The following CCDC141 variants were observed in gnomAD, a reference collection of about 807,000 sequenced individuals.
CCDC141 encodes the protein coiled-coil domain-containing protein 141.
Under a neutral mutation model 181.0 loss-of-function variants are expected in CCDC141, and 168 were observed. The ratio of observed to expected loss-of-function variants is 0.93; its 90% confidence interval spans 0.82 to 1.05. The LOEUF (loss-of-function observed/expected upper bound fraction) is 1.05, where lower values mean the gene tolerates loss of function less well. Ranked by LOEUF, CCDC141 falls within the 50% of genes least tolerant of loss-of-function variation. The pLI is 0.00. For synonymous variants in CCDC141, 666 were observed against 642.3 expected, an observed-to-expected ratio of 1.04 and a Z score of -0.56; for missense variants, 1,902 against 1,788.5, an observed-to-expected ratio of 1.06 and a Z score of -1.14.
intron 2 of CCDC141, among the ~76,000 whole-genome samples, chr2:178,997,567 C>T (rs942942054): frequency 7.2e-5 from 11 of 152,170 alleles, no homozygotes; most frequent in Non-Finnish European, 1.3e-4. Context: ...GCACCTGTCA[C>T]TGGTTCTCAG....
chr2:178,973,289 T>C (rs1690980614), intron 4 of CCDC141, among the ~76,000 whole-genome samples: 5 of 152,206 alleles, frequency 3.3e-5, no homozygotes, highest in Admixed American at 2.6e-4. Context: ...ACCAGAGTTC[T>C]CTGTCATCTC....
At chr2:178,977,406 A>T (rs186312188) in intron 3 of CCDC141, among the ~76,000 whole-genome samples, 2 of 152,292 alleles carry the variant, frequency 1.3e-5, no homozygotes, top group African/African-American at 4.8e-5. Flanking sequence ...AGTGAATCAG[A>T]TATAGCTATA....
intron 11 of CCDC141, among the ~76,000 whole-genome samples, chr2:178,884,273 CA>C (rs1353631623): frequency 6.6e-6 from 1 of 151,442 alleles, no homozygotes; most frequent in Non-Finnish European, 1.5e-5. Context: ...CTCGGGACCC[CA>C]AACTCACTAT....
chr2:178,932,172 A>G (rs960008218), intron 6 of CCDC141, among the ~76,000 whole-genome samples: 4 of 152,184 alleles, frequency 2.6e-5, no homozygotes, highest in African/African-American at 9.6e-5. Context: ...AACAAAAACA[A>G]AAACAAAAAA....
At chr2:178,967,512 A>G (rs765997125) in intron 4 of CCDC141, among the ~76,000 whole-genome samples, 2 of 152,210 alleles carry the variant, frequency 1.3e-5, no homozygotes, top group Non-Finnish European at 2.9e-5. Context: ...CGAAGGAGAA[A>G]TAAAATCCTT....
At chr2:178,972,920 A>C (rs1436624705) in intron 4 of CCDC141, among the ~76,000 whole-genome samples, 1 of 152,182 alleles carries the variant, frequency 6.6e-6, no homozygotes, top group Non-Finnish European at 1.5e-5. Context: ...GCATAGGTGA[A>C]GCTAATTGAA....
chr2:179,034,441 C>T (rs958069724), intron 2 of CCDC141, among the ~76,000 whole-genome samples: 2 of 152,144 alleles, frequency 1.3e-5, no homozygotes, highest in African/African-American at 4.8e-5. Flanking sequence ...GTACAACAAA[C>T]CTCCATAACA....
At chr2:178,883,824 C>T (rs537557771) in intron 11 of CCDC141, among the ~76,000 whole-genome samples, 142 of 151,890 alleles carry the variant, frequency 9.3e-4, no homozygotes, top group African/African-American at 3.1e-3. Flanking sequence ...AAGCAATGAC[C>T]TTTGAGATGG....
intron 2 of CCDC141, among the ~76,000 whole-genome samples, chr2:178,991,430 A>T (rs377072872): frequency 1.3e-5 from 2 of 152,020 alleles, no homozygotes; most frequent in African/African-American, 2.4e-5. Flanking sequence ...TCTCTTCAAA[A>T]TTTTTTTTAA....
chr2:178,949,694 T>C (rs1405147397), intron 5 of CCDC141, among the ~76,000 whole-genome samples: 1 of 152,082 alleles, frequency 6.6e-6, no homozygotes, highest in Non-Finnish European at 1.5e-5. Context: ...GGAGAATGGA[T>C]GTGTGGGTCA....
At position 178,975,049 on chromosome 2, in the gene CCDC141, T is replaced by C. The variant is rs1233101552; in HGVS notation, c.526+8A>G. 4.4e-6 allele frequency: 6 copies of C among 1,378,862 alleles called. No homozygotes were observed. Among genetic ancestry groups the C allele is most frequent in the Non-Finnish European group, 6.0e-6 (6 of 1,004,744 alleles). The allele number at this position is 1,378,862 out of a possible 1,614,324, so 85.4% of individuals were successfully genotyped here. A position where few individuals can be genotyped will look rare whatever the true frequency, so the allele number is the denominator to read the frequency against. On this transcript the variant is annotated splice_region_variant and intron_variant, in intron 4 of 23. Transcript: ENST00000443758. Reference sequence around the variant, plus strand: ...AACACTTCTGTGAGAAATAAACATATTTCTTGCCTTTAGTATGATGTTCAT... The same window carrying C: ...AACACTTCTGTGAGAAATAAACATACTTCTTGCCTTTAGTATGATGTTCAT...
At chr2:178,974,335 C>T (rs1691029637) in intron 4 of CCDC141, among the ~76,000 whole-genome samples, 4 of 152,130 alleles carry the variant, frequency 2.6e-5, no homozygotes, top group Admixed American at 1.3e-4. Context: ...AATTAGAAGA[C>T]ATATTAGGCA....
At chr2:179,019,839 T>TCC (rs1174425256) in intron 2 of CCDC141, among the ~76,000 whole-genome samples, 1 of 152,118 alleles carries the variant, frequency 6.6e-6, no homozygotes, top group Admixed American at 6.5e-5. Context: ...TGATTATGGC[T>TCC]CACTGCAGCC....
At chr2:178,934,303 C>CA (rs201114413) in intron 6 of CCDC141, among the ~76,000 whole-genome samples, 1,583 of 151,688 alleles carry the variant, frequency 0.01, 21 homozygotes, top group Middle Eastern at 0.062. Flanking sequence ...TATGCCTTCT[C>CA]AAAAAAAATA....
At position 178,918,827 on chromosome 2, in the gene CCDC141, G is replaced by C; in HGVS notation, c.978C>G (p.His326Gln). ...LLSKDYVEKE[H>Q]LQLSHQKLSQ... ...TGAGTTTCTGGTGAGAGAGCTGGAG[G>C]TGTTCTTTCTCCACGTAGTCCTTTG... Residue 326 changes from histidine to glutamine, a missense_variant, in exon 7 of 24, where the codon CAC becomes CAG. Transcript: ENST00000443758. The C allele has an allele frequency of 6.4e-7, 1 of 1,550,526 alleles. No homozygotes were observed. Among genetic ancestry groups the C allele is most frequent in the Admixed American group, 2.0e-5 (1 of 51,000 alleles).
intron 2 of CCDC141, among the ~76,000 whole-genome samples, chr2:178,995,444 C>T (rs907948668): frequency 2.6e-5 from 4 of 152,170 alleles, no homozygotes; most frequent in Admixed American, 2.0e-4. Flanking sequence ...CCAGGTCCCT[C>T]CCACAACACA....
chr2:178,852,306 C>T (rs1192602799), intron 20 of CCDC141, among the ~76,000 whole-genome samples: 4 of 152,026 alleles, frequency 2.6e-5, no homozygotes, highest in African/African-American at 7.2e-5. Flanking sequence ...GGCACAAATA[C>T]AGTGAAAAAA....
downstream of CCDC141, among the ~76,000 whole-genome samples, chr2:178,827,644 G>A (rs1684145274): frequency 6.6e-6 from 1 of 152,090 alleles, no homozygotes; most frequent in Admixed American, 6.5e-5. Context: ...CTTCAAATCA[G>A]CAAGGAAGCT....
intron 6 of CCDC141, among the ~76,000 whole-genome samples, chr2:178,940,703 AAG>A (rs1385571018): frequency 1.8e-4 from 27 of 152,206 alleles, no homozygotes; most frequent in Non-Finnish European, 3.5e-4. Context: ...CACAACGTAA[AAG>A]ACTTACTACA....
Sources: allele counts gnomAD v4.1 joint callset (sites outside exome capture counted in the v4.1 genomes callset), GRCh38; gene constraint gnomAD v4.1.1; transcripts MANE v1.5; gene names NCBI Gene and HGNC (gene_info 2026-07-23, HGNC 2026-07-21).